KCTD3: variants seen among roughly 807,000 people sequenced by gnomAD.
The protein encoded by KCTD3 is BTB/POZ domain-containing protein KCTD3.
In KCTD3, 41 loss-of-function variants were observed where a neutral mutation model predicts 85.8. That is an observed-to-expected ratio of 0.48 (90% CI 0.37 to 0.62). The LOEUF (loss-of-function observed/expected upper bound fraction) is 0.62, where lower values mean the gene tolerates loss of function less well. Among genes scored for constraint, KCTD3 ranks in the 20% least tolerant of loss-of-function variants. The pLI is 0.00. For synonymous variants in KCTD3, 338 were observed against 345.4 expected, an observed-to-expected ratio of 0.98 and a Z score of 0.24; for missense variants, 724 against 989.9, an observed-to-expected ratio of 0.73 and a Z score of 3.60.
At chr1:215,611,020 A>G (rs557292018) in intron 14 of KCTD3, among the ~76,000 whole-genome samples, 90 of 152,084 alleles carry the variant, frequency 5.9e-4, no homozygotes, top group African/African-American at 2.0e-3. Context: ...TATGAATTGT[A>G]AGTTGATATT....
chr1:215,609,589 A>G (rs1655155868), intron 14 of KCTD3, among the ~76,000 whole-genome samples: 1 of 151,980 alleles, frequency 6.6e-6, no homozygotes, highest in Non-Finnish European at 1.5e-5. Context: ...GACAGTGAAG[A>G]CATGAGAGAG....
intron 7 of KCTD3, 69 bp from the exon 8 acceptor site, chr1:215,579,840 G>A (rs1368333603): frequency 9.4e-7 from 1 of 1,060,000 alleles, no homozygotes; most frequent in Non-Finnish European, 1.5e-6. Context: ...GGCTGAAACT[G>A]GCCTGGTGGC....
In KCTD3 at chr1:215,575,471, CCT is replaced by C. The variant is rs951759163; in HGVS notation, c.184-429_184-428del. Among the ~76,000 whole-genome samples the C allele has an allele frequency of 2.6e-5, 4 of 152,040 alleles. 1 individual carries two copies. Among genetic ancestry groups the C allele is most frequent in the Admixed American group, 2.6e-4 (4 of 15,264 alleles). Reference sequence around the variant, plus strand: ...GCAGTATTTACTTTTCTCAAGTACCCCTGTGTGCATTATTAAAGTACATTGTA... The same window carrying C: ...GCAGTATTTACTTTTCTCAAGTACCCGTGTGCATTATTAAAGTACATTGTA... On this transcript the variant is annotated intron_variant, in intron 3 of 17. Coordinates refer to ENST00000259154, the MANE Select transcript of KCTD3 (RefSeq NM_016121.5).
chr1:215,581,654 A>T (rs1327298909), intron 8 of KCTD3, among the ~76,000 whole-genome samples: 5 of 152,122 alleles, frequency 3.3e-5, no homozygotes, highest in Non-Finnish European at 7.4e-5. Flanking sequence ...ATGCTATTAC[A>T]TTTTCCAGTC....
chr1:215,607,916 C>T, intron 13 of KCTD3, 101 bp from the exon 14 acceptor site: 2 of 749,942 alleles, frequency 2.7e-6, no homozygotes, highest in South Asian at 3.9e-5. Context: ...TGTCATTTGC[C>T]ACTTATACTC....
chr1:215,585,084 G>C (rs1223932435), intron 8 of KCTD3, among the ~76,000 whole-genome samples: 1 of 152,082 alleles, frequency 6.6e-6, no homozygotes, highest in African/African-American at 2.4e-5. Flanking sequence ...TCCTCATCCA[G>C]ACCCCCAAAA....
rs1483559923 is a variant in KCTD3, at chr1:215,619,425, CT to C, written c.1886+139del. 1.7e-5 allele frequency: 13 copies of C among 760,084 alleles called. No homozygotes were observed. The Admixed American group carries it at 3.8e-4, about 22-fold the overall frequency. The allele number at this position is 760,084 out of a possible 1,614,324, so 47.1% of individuals were successfully genotyped here. A position where few individuals can be genotyped will look rare whatever the true frequency, so the allele number is the denominator to read the frequency against. ...ATTTTAAATTCAGACATTATGTTAA[CT>C]TTTTAACAGTTTTACCAAATTTCTT... On this transcript the variant is annotated intron_variant, in intron 17 of 17. Transcript: ENST00000259154.
chr1:215,594,147 A>C (rs1660323810), intron 9 of KCTD3, among the ~76,000 whole-genome samples: 1 of 152,322 alleles, frequency 6.6e-6, no homozygotes, highest in African/African-American at 2.4e-5. Flanking sequence ...GGCATGAGCC[A>C]TCATGCCCGG....
chr1:215,587,293 C>T (rs1404722272), intron 9 of KCTD3, among the ~76,000 whole-genome samples: 1 of 151,956 alleles, frequency 6.6e-6, no homozygotes, highest in African/African-American at 2.4e-5. Context: ...CCACGTCCAG[C>T]TAATTTTTTT....
At chr1:215,578,126 T>G (rs747371933) in intron 6 of KCTD3, 45 bp downstream of exon 6, 2 of 1,525,656 alleles carry the variant, frequency 1.3e-6, no homozygotes, top group Non-Finnish European at 1.8e-6. Context: ...CTTGTATCAT[T>G]AAGCAAGTAC....
intron 3 of KCTD3, 68 bp from the exon 4 acceptor site, chr1:215,575,833 G>A: frequency 1.2e-6 from 1 of 816,910 alleles, no homozygotes; most frequent in South Asian, 1.6e-5. Flanking sequence ...TTCCCTATTA[G>A]TGTTACAGAT....
chr1:215,587,949 A>T (rs960184008), intron 9 of KCTD3, among the ~76,000 whole-genome samples: 15 of 152,210 alleles, frequency 9.9e-5, no homozygotes, highest in East Asian at 1.9e-4. Flanking sequence ...ATTGTATAAT[A>T]TGAAAAAAAA....
intron 15 of KCTD3, 99 bp from the exon 16 acceptor site, chr1:215,618,787 A>C: frequency 1.1e-6 from 1 of 880,710 alleles, no homozygotes; most frequent in Non-Finnish European, 1.8e-6. Context: ...TTTCTAGTAT[A>C]ACATGTTTGC....
chr1:215,597,293 C>T (rs1406206400), intron 10 of KCTD3, among the ~76,000 whole-genome samples: 1 of 151,072 alleles, frequency 6.6e-6, no homozygotes, highest in South Asian at 2.1e-4. Flanking sequence ...TCCACCCCCT[C>T]GCCCACACAC....
chr1:215,586,443 GT>G, intron 8 of KCTD3, 51 bp from the exon 9 acceptor site: 1 of 1,441,604 alleles, frequency 6.9e-7, no homozygotes, highest in South Asian at 1.4e-5. Flanking sequence ...TGTGTATTCC[GT>G]TTGCTTCATT....
At chr1:215,577,251 G>A (rs910935145) in intron 4 of KCTD3, among the ~76,000 whole-genome samples, 7 of 151,838 alleles carry the variant, frequency 4.6e-5, no homozygotes, top group South Asian at 2.1e-4. Context: ...GATCATGCTC[G>A]CAGGGAATTT....
intron 9 of KCTD3, among the ~76,000 whole-genome samples, chr1:215,588,983 G>A (rs1193213694): frequency 2.6e-5 from 4 of 152,128 alleles, no homozygotes; most frequent in African/African-American, 4.8e-5. Flanking sequence ...CAGCAATTGG[G>A]TATACTTCTC....
chr1:215,588,006 C>G (rs1468818917), intron 9 of KCTD3, among the ~76,000 whole-genome samples: 1 of 152,160 alleles, frequency 6.6e-6, no homozygotes, highest in African/African-American at 2.4e-5. Flanking sequence ...GGAGTTGTCA[C>G]ACTCACTGTG....
intron 10 of KCTD3, among the ~76,000 whole-genome samples, chr1:215,598,186 C>T (rs958301964): frequency 1.1e-4 from 17 of 151,940 alleles, no homozygotes; most frequent in Admixed American, 6.6e-4. Context: ...GAAATTGAGC[C>T]TCCTACAAAA....
Sources: allele counts gnomAD v4.1 joint callset (sites outside exome capture counted in the v4.1 genomes callset), GRCh38; gene constraint gnomAD v4.1.1; transcripts MANE v1.5; gene names NCBI Gene and HGNC (gene_info 2026-07-23, HGNC 2026-07-21).